Variants in GINS3 observed in about 807,000 individuals in gnomAD.
GINS3 encodes the protein GINS complex subunit 3, also known as DNA replication complex GINS protein PSF3.
In GINS3, 18 loss-of-function variants were observed where a neutral mutation model predicts 20.0. That is an observed-to-expected ratio of 0.90 (90% confidence interval 0.62 to 1.33). The LOEUF (loss-of-function observed/expected upper bound fraction) is 1.33, where lower values mean the gene tolerates loss of function less well. Ranked by LOEUF, GINS3 falls within the 40% of genes most tolerant of loss-of-function variation. The pLI, the probability that GINS3 is intolerant of heterozygous loss-of-function variation, is 0.00. For missense variants in GINS3, 254 were observed against 273.6 expected (o/e 0.93, Z 0.51); for synonymous variants, 109 against 107.0 (o/e 1.02, Z -0.12).
rs921615155 is a variant in GINS3 at position 58,404,135 on chromosome 16, A to T, written c.421-364A>T. On this transcript the variant is annotated intron_variant, in intron 2 of 2. Transcript: ENST00000318129. ...TTCATAATTACTTTTTTATTCTGTTACTGTTAGAAGAAACCATCATTTCTT... is the reference window on the plus strand; with the variant it reads ...TTCATAATTACTTTTTTATTCTGTTTCTGTTAGAAGAAACCATCATTTCTT... The T allele has an allele frequency of 6.7e-5, 14 of 207,626 alleles. No individual in the cohort carries two copies. The East Asian group carries it at 1.6e-3, about 23-fold the overall frequency. The allele number at this position is 207,626 out of a possible 1,614,324, so 12.9% of individuals were successfully genotyped here. A position where few individuals can be genotyped will look rare whatever the true frequency, so the allele number is the denominator to read the frequency against.
Position 58,406,097 on chromosome 16 carries a change from G to A in GINS3, c.*1368G>A, listed in dbSNP as rs568687143. The A allele has an allele frequency of 6.7e-5, 10 of 148,718 alleles. No individual in the cohort carries two copies. The East Asian group carries it at 2.0e-3, about 29-fold the overall frequency. The allele number at this position is 148,718 out of a possible 1,614,324, so 9.2% of individuals were successfully genotyped here. On this transcript the variant is annotated 3_prime_UTR_variant, in exon 3 of 3. Coordinates refer to ENST00000318129, the MANE Select transcript of GINS3 (RefSeq NM_022770.4). ...ACAGATAATCAAAGCTATCAGAATT[G>A]TGTCTTTGATCATATTTGACGGTAA...
chr16:58,396,065 G>C (rs1267173251), intron 1 of GINS3, among the ~76,000 whole-genome samples: 1 of 144,090 alleles, frequency 6.9e-6, no homozygotes, highest in Admixed American at 6.8e-5. Context: ...CCTCCCGGAC[G>C]GGGCGGCTGG....
chr16:58,393,227 C>T (rs941034834), intron 1 of GINS3, among the ~76,000 whole-genome samples: 1 of 152,138 alleles, frequency 6.6e-6, no homozygotes, highest in Non-Finnish European at 1.5e-5. Context: ...AAATTCATTC[C>T]TCCATAATGA....
intron 1 of GINS3, among the ~76,000 whole-genome samples, chr16:58,400,119 C>G (rs769323816): frequency 6.6e-6 from 1 of 152,098 alleles, no homozygotes; most frequent in Non-Finnish European, 1.5e-5. Flanking sequence ...CACAGATGCC[C>G]AAGACCAACC....
At chr16:58,400,244 A>G (rs1164075054) in intron 1 of GINS3, among the ~76,000 whole-genome samples, 1 of 152,266 alleles carries the variant, frequency 6.6e-6, no homozygotes, top group Non-Finnish European at 1.5e-5. Flanking sequence ...GAAAGGTTGC[A>G]TGGAGTAAAG....
At chr16:58,403,757 G>A (rs1357767594) in intron 2 of GINS3, 1 of 184,958 alleles carries the variant, frequency 5.4e-6, no homozygotes, top group Non-Finnish European at 1.1e-5. Context: ...AGAAAAAAAG[G>A]GCTATGGTGC....
chr16:58,396,384 C>T (rs1255095721), intron 1 of GINS3, among the ~76,000 whole-genome samples: 5 of 108,442 alleles, frequency 4.6e-5, no homozygotes, highest in African/African-American at 2.0e-4. Context: ...GCTGGCCGGG[C>T]AGGGGGCTGA....
At chr16:58,400,809 CTTT>C (rs575818165) in intron 1 of GINS3, among the ~76,000 whole-genome samples, 3 of 135,248 alleles carry the variant, frequency 2.2e-5, no homozygotes, top group African/African-American at 5.4e-5. Context: ...AAGAAGTTGG[CTTT>C]TTTTTTTTTT....
rs1043172051 is a variant in GINS3, at chr16:58,403,194, G to A, written c.283G>A (p.Gly95Ser). The change falls in exon 2 of 3, where the codon GGT becomes AGT. Residue 95 changes from glycine (G) to serine (S), a missense_variant. Physicochemically the swap from Gly to Ser is moderately conservative, Grantham distance 56. Transcript: ENST00000318129. ...SVELPKIYQE[G>S]WRTVFSADPN... ...GGAACTCCCCAAGATCTACCAAGAG[G>A]GTTGGAGGACTGTGTTCAGTGCAGA... The A allele has an allele frequency of 1.9e-6, 3 of 1,614,208 alleles. No homozygotes were observed. Among genetic ancestry groups the A allele is most frequent in the African/African-American group, 2.7e-5 (2 of 75,058 alleles).
At chr16:58,396,835 G>A (rs866082317) in intron 1 of GINS3, among the ~76,000 whole-genome samples, 6 of 136,998 alleles carry the variant, frequency 4.4e-5, no homozygotes, top group South Asian at 2.4e-4. Flanking sequence ...CAGTAGGGGC[G>A]GCCGGGCAGA....
intron 1 of GINS3, among the ~76,000 whole-genome samples, chr16:58,397,652 C>T (rs899352071): frequency 3.9e-5 from 6 of 152,000 alleles, no homozygotes; most frequent in Non-Finnish European, 5.9e-5. Flanking sequence ...CAAAAAAATA[C>T]GAAAACCAGT....
chr16:58,395,585 A>G (rs1245771668), intron 1 of GINS3, among the ~76,000 whole-genome samples: 2 of 152,058 alleles, frequency 1.3e-5, no homozygotes, highest in African/African-American at 2.4e-5. Flanking sequence ...ATCTTGCACC[A>G]CCCTTAATCC....
At chr16:58,394,371 C>T (rs1330508926) in intron 1 of GINS3, among the ~76,000 whole-genome samples, 5 of 152,032 alleles carry the variant, frequency 3.3e-5, no homozygotes, top group Non-Finnish European at 4.4e-5. Flanking sequence ...TTTTTTGACA[C>T]GGAGTTACCC....
chr16:58,392,471 A>C lies in GINS3; in HGVS notation c.-131A>C. 9.8e-7 allele frequency: 1 copy of C among 1,019,734 alleles called. No individual in the cohort carries two copies. The highest frequency in any genetic ancestry group is 2.5e-5 in the Admixed American group (1 of 40,514). The allele number at this position is 1,019,734 out of a possible 1,614,324, so 63.2% of individuals were successfully genotyped here. ...TGTCTGATGCGTCCCCGGGCGCGGG[A>C]AACGAGTTTCAATCCACTTTCCTGA... On this transcript the variant is annotated 5_prime_UTR_variant, in exon 1 of 3. Coordinates refer to ENST00000318129, the MANE Select transcript of GINS3 (RefSeq NM_022770.4).
Position 58,392,616 on chromosome 16 carries a change from T to C in GINS3, c.15T>C (p.Tyr5=), listed in dbSNP as rs1230677761. ...AAGTGGCCGCCATGTCAGAGGCTTA[T>C]TTCCGAGTGGAGTCGGGTGCGCTGG... The part of the protein sequence containing the change: MSEA[Y]FRVESGALGP... The change falls in exon 1 of 3, where the codon TAT becomes TAC. Residue 5 remains tyrosine, a synonymous_variant. Coordinates refer to ENST00000318129, the MANE Select transcript of GINS3 (RefSeq NM_022770.4). 3 of 1,614,190 alleles carry C rather than the reference T, an allele frequency of 1.9e-6. No individual in the cohort carries two copies. The Admixed American group carries it at 5.0e-5, about 27-fold the overall frequency.
chr16:58,403,077 C>T (rs780575082), intron 1 of GINS3, 21 bp from the exon 2 acceptor site: 1 of 1,594,440 alleles, frequency 6.3e-7, no homozygotes, highest in East Asian at 2.2e-5. Flanking sequence ...TTTTTAAAAT[C>T]TACATTCATG....
At chr16:58,397,090 G>C (rs1466426569) in intron 1 of GINS3, among the ~76,000 whole-genome samples, 1 of 152,040 alleles carries the variant, frequency 6.6e-6, no homozygotes, top group Non-Finnish European at 1.5e-5. Flanking sequence ...CCTCCTGGAT[G>C]GGGTGGCTGC....
At chr16:58,394,145 C>G (rs1209188191) in intron 1 of GINS3, among the ~76,000 whole-genome samples, 1 of 152,026 alleles carries the variant, frequency 6.6e-6, no homozygotes, top group Non-Finnish European at 1.5e-5. Flanking sequence ...AGTTAATGCC[C>G]TTTTTCTATT....
chr16:58,392,575 G>A lies in GINS3; in HGVS notation c.-27G>A. On this transcript the variant is annotated 5_prime_UTR_variant, in exon 1 of 3. Coordinates refer to ENST00000318129, the MANE Select transcript of GINS3 (RefSeq NM_022770.4). ...TGAGGCTCCTCCGAATCACGCGAGT[G>A]GAAGCGGAGAAGCTCAAGTGGCCGC... 1.2e-6 allele frequency: 2 copies of A among 1,611,044 alleles called. No homozygotes were observed. The highest frequency in any genetic ancestry group is 4.5e-5 in the East Asian group (2 of 44,846).
Sources: allele counts gnomAD v4.1 joint callset (sites outside exome capture counted in the v4.1 genomes callset), GRCh38; gene constraint gnomAD v4.1.1; transcripts MANE v1.5; gene names NCBI Gene and HGNC (gene_info 2026-07-23, HGNC 2026-07-21).